The following BCL2 variants were observed in gnomAD, a reference collection of about 807,000 sequenced individuals.
BCL2 encodes the protein apoptosis regulator Bcl-2.
In BCL2, 1 loss-of-function variant was observed where a neutral mutation model predicts 14.2. That is an observed-to-expected ratio of 0.07 (90% CI 0.02 to 0.33). The LOEUF is 0.33. BCL2 is among the 10% of genes least tolerant of loss of function. The probability of loss-of-function intolerance (pLI) is 0.99; values close to 1 mark genes in which losing one functional copy is unlikely to be tolerated. For synonymous variants in BCL2, 151 were observed against 137.2 expected (o/e 1.10, Z -0.70); for missense variants, 247 against 305.9 (o/e 0.81, Z 1.44).
intron 2 of BCL2, among the ~76,000 whole-genome samples, chr18:63,197,812 T>C (rs1376148726): frequency 6.6e-6 from 1 of 152,142 alleles, no homozygotes; most frequent in Non-Finnish European, 1.5e-5. Context: ...AGTCAGACAT[T>C]GAGGGGTGAA....
intron 2 of BCL2, among the ~76,000 whole-genome samples, chr18:63,312,678 T>G (rs759970935): frequency 6.6e-6 from 1 of 152,212 alleles, no homozygotes; most frequent in Non-Finnish European, 1.5e-5. Flanking sequence ...ACAGAAGCTT[T>G]TTTTTCCCCT....
rs1206160617 is a variant in BCL2 at position 63,125,991 on chromosome 18, A to C, written c.*2634T>G. ...AGACAAAACAGGCTTTATATTAAAA[A>C]CGTCCACGTTCTTCATTGTTACTTC... On this transcript the variant is annotated 3_prime_UTR_variant, in exon 3 of 3. Transcript: ENST00000333681. The C allele has an allele frequency of 4.6e-6, 1 of 215,402 alleles. No homozygotes were observed. Among genetic ancestry groups the C allele is most frequent in the Non-Finnish European group, 9.4e-6 (1 of 106,464 alleles). The allele number at this position is 215,402 out of a possible 1,614,324, so 13.3% of individuals were successfully genotyped here.
chr18:63,312,772 C>T (rs1382432852), intron 2 of BCL2, among the ~76,000 whole-genome samples: 2 of 152,204 alleles, frequency 1.3e-5, no homozygotes, highest in African/African-American at 4.8e-5. Flanking sequence ...GATAGTTCTT[C>T]AAATTACCCT....
chr18:63,165,814 A>G (rs1915030762), intron 2 of BCL2, among the ~76,000 whole-genome samples: 2 of 152,180 alleles, frequency 1.3e-5, no homozygotes, highest in Non-Finnish European at 2.9e-5. Context: ...GGTGGAATCT[A>G]AGCCCGAGGG....
At chr18:63,262,080 A>AT (rs1911676590) in intron 2 of BCL2, among the ~76,000 whole-genome samples, 1 of 117,324 alleles carries the variant, frequency 8.5e-6, no homozygotes, top group Non-Finnish European at 2.0e-5. Flanking sequence ...GCGCCCAGCC[A>AT]ATTTTTTTAT....
At position 63,272,069 on chromosome 18, in the gene BCL2, C is replaced by T. The variant is rs145638678; in HGVS notation, c.585+46013G>A. ...CTTTTTGGTGGAAACAAGAGTGCCA[C>T]AAGCAATCAAGTCTCATTAGCTGAA... On this transcript the variant is annotated intron_variant, in intron 2 of 2. Transcript: ENST00000333681. Among the ~76,000 whole-genome samples, 288 of 152,322 alleles carry T rather than the reference C, an allele frequency of 1.9e-3. 1 individual carries two copies. Among genetic ancestry groups the T allele is most frequent in the African/African-American group, 6.8e-3 (283 of 41,578 alleles).
Position 63,128,776 on chromosome 18 carries a change from G to A in BCL2, c.586-17C>T, listed in dbSNP as rs2144584458. The A allele has an allele frequency of 2.6e-6, 2 of 777,120 alleles. No individual in the cohort carries two copies. The highest frequency in any genetic ancestry group is 2.7e-5 in the South Asian group (2 of 74,106). 48.1% of individuals were successfully genotyped at this position (777,120 alleles called of 1,614,324 possible). On this transcript the variant is annotated splice_polypyrimidine_tract_variant and intron_variant, in intron 2 of 2. Transcript: ENST00000333681. Reference sequence around the variant, plus strand: ...AAAGGCATCCTGCAGTTGGGGGAGAGGAGGGAAGAAAAAGAAAGAGTATTA... The same window carrying A: ...AAAGGCATCCTGCAGTTGGGGGAGAAGAGGGAAGAAAAAGAAAGAGTATTA...
chr18:63,217,927 G>C (rs1034245809), intron 2 of BCL2, among the ~76,000 whole-genome samples: 1 of 152,136 alleles, frequency 6.6e-6, no homozygotes, highest in African/African-American at 2.4e-5. Context: ...GTACTACGAA[G>C]ATGTGAAATT....
intron 2 of BCL2, among the ~76,000 whole-genome samples, chr18:63,220,089 C>T (rs1264424275): frequency 1.3e-5 from 2 of 152,084 alleles, no homozygotes; most frequent in African/African-American, 4.8e-5. Flanking sequence ...CATTTGGAGC[C>T]ATGGAAGTAG....
chr18:63,270,335 G>A (rs1287664951), intron 2 of BCL2, among the ~76,000 whole-genome samples: 3 of 152,170 alleles, frequency 2.0e-5, no homozygotes, highest in Non-Finnish European at 2.9e-5. Flanking sequence ...CAGCCCAAAT[G>A]TCTATCAGTC....
intron 2 of BCL2, among the ~76,000 whole-genome samples, chr18:63,253,554 G>A (rs1038375046): frequency 6.6e-6 from 1 of 152,134 alleles, no homozygotes; most frequent in African/African-American, 2.4e-5. Context: ...AGTGACTAGG[G>A]CAAAACCCCT....
chr18:63,222,487 A>C (rs1408498653), intron 2 of BCL2, among the ~76,000 whole-genome samples: 1 of 152,118 alleles, frequency 6.6e-6, no homozygotes, highest in Non-Finnish European at 1.5e-5. Context: ...AAGATTGTTT[A>C]AAAATATTAT....
intron 2 of BCL2, among the ~76,000 whole-genome samples, chr18:63,201,208 G>A (rs1001974381): frequency 6.6e-6 from 1 of 152,178 alleles, no homozygotes; most frequent in Non-Finnish European, 1.5e-5. Flanking sequence ...TCTGCACCTT[G>A]AGCATATAAC....
intron 2 of BCL2, among the ~76,000 whole-genome samples, chr18:63,308,386 C>A (rs1468891990): frequency 6.6e-6 from 1 of 152,204 alleles, no homozygotes; most frequent in East Asian, 1.9e-4. Flanking sequence ...GAACCTTGGG[C>A]CAGCCCTGCT....
At chr18:63,245,249 A>G (rs1406909563) in intron 2 of BCL2, among the ~76,000 whole-genome samples, 2 of 152,250 alleles carry the variant, frequency 1.3e-5, no homozygotes, top group Admixed American at 1.3e-4. Flanking sequence ...CCAATTGAGC[A>G]TCAACTGATG....
At chr18:63,196,172 C>T (rs1599237151) in intron 2 of BCL2, among the ~76,000 whole-genome samples, 1 of 152,134 alleles carries the variant, frequency 6.6e-6, no homozygotes, top group Non-Finnish European at 1.5e-5. Context: ...CTCTACCAGA[C>T]CTGGTACACG....
At chr18:63,230,397 A>G (rs1293079748) in intron 2 of BCL2, among the ~76,000 whole-genome samples, 1 of 152,190 alleles carries the variant, frequency 6.6e-6, no homozygotes. Context: ...AGAAAGTTAG[A>G]GAAAGGGCAA....
intron 2 of BCL2, among the ~76,000 whole-genome samples, chr18:63,277,427 A>G (rs1912186037): frequency 6.7e-6 from 1 of 149,874 alleles, no homozygotes; most frequent in Non-Finnish European, 1.5e-5. Flanking sequence ...AAGGTTAGGC[A>G]TTTGAGACCA....
intron 2 of BCL2, among the ~76,000 whole-genome samples, chr18:63,260,004 C>T (rs1301669406): frequency 6.6e-6 from 1 of 152,224 alleles, no homozygotes; most frequent in Non-Finnish European, 1.5e-5. Flanking sequence ...CATCACCTCT[C>T]AACATATTGT....
Sources: gnomAD v4.1 joint callset for allele counts (sites outside exome capture counted in the v4.1 genomes callset) on GRCh38, gnomAD v4.1.1 for gene constraint, MANE v1.5 for transcripts, NCBI Gene and HGNC (gene_info 2026-07-23, HGNC 2026-07-21) for gene names.